DMD: variants seen among roughly 807,000 people sequenced by gnomAD.
The protein encoded by DMD is mutant dystrophin.
A neutral mutation model predicts 330.1 loss-of-function variants in DMD; 63 were observed. The ratio of observed to expected loss-of-function variants is 0.19; its 90% CI spans 0.16 to 0.24. DMD has a LOEUF of 0.24. Among genes scored for constraint, DMD ranks in the 10% least tolerant of loss-of-function variants. The pLI, the probability that DMD is intolerant of heterozygous loss-of-function variation, is 1.00. For synonymous variants in DMD, 1,223 were observed against 959.8 expected (o/e 1.27, Z -5.07); for missense variants, 3,344 against 2,684.1 (o/e 1.25, Z -5.43).
At chrX:31,944,412 CATTT>C (rs1245341395) in intron 45 of DMD, among the ~76,000 whole-genome samples, 3 of 111,003 alleles carry the variant, frequency 2.7e-5, no homozygotes, top group African/African-American at 9.8e-5. Context: ...AAAAACTAAA[CATTT>C]ATTTTTTATT....
chrX:32,454,755 G>A lies in DMD; in HGVS notation c.3510C>T (p.His1170=), dbSNP rs138945423. 10 of 1,199,752 alleles carry A rather than the reference G, an allele frequency of 8.3e-6. No homozygotes were observed. The highest frequency in any genetic ancestry group is 7.2e-5 in the African/African-American group (4 of 55,473). ...VSLQKDLSEM[H]EWMTQAEEEY... is the part of the protein sequence containing the mutation. Reference sequence around the variant, plus strand: ...CTTCTTCAGCTTGTGTCATCCATTCGTGCATCTCTGATAGATCTTTCTGGA... The same window carrying A: ...CTTCTTCAGCTTGTGTCATCCATTCATGCATCTCTGATAGATCTTTCTGGA... Residue 1170 remains histidine (H), a synonymous_variant, in exon 26 of 79, where the codon CAC becomes CAT. Coordinates refer to ENST00000357033, the MANE Select transcript of DMD (RefSeq NM_004006.3).
chrX:32,332,002 T>C (rs919557934), intron 41 of DMD, among the ~76,000 whole-genome samples: 1 of 111,574 alleles, frequency 9.0e-6, no homozygotes, highest in African/African-American at 3.2e-5. Flanking sequence ...CTCAGTTTTC[T>C]ATTTGGATTA....
intron 2 of DMD, among the ~76,000 whole-genome samples, chrX:32,917,159 TC>T (rs376979402): frequency 0.097 from 8,590 of 88,856 alleles, 556 homozygotes; most frequent in African/African-American, 0.22. Flanking sequence ...GTGTGGCACT[TC>T]CCCCCCCCCC....
Position 31,810,603 on chromosome X carries a change from T to C in DMD, c.7309+9372A>G, listed in dbSNP as rs188568022. On this transcript the variant is annotated intron_variant, in intron 50 of 78. Coordinates refer to ENST00000357033, the MANE Select transcript of DMD (RefSeq NM_004006.3). ...AATAGAATGAGAGCCTTTCCTGAGA[T>C]AGTGGAAAAGAAAGAATGACTGTTC... 1.2e-3 allele frequency among the ~76,000 whole-genome samples: 129 copies of C among 111,794 alleles called. 1 individual carries two copies. Among genetic ancestry groups the C allele is most frequent in the African/African-American group, 4.1e-3 (125 of 30,832 alleles).
rs1210229844 is a variant in DMD, at chrX:33,009,329, TGTATATACAC to T, written c.93+10800_93+10809del. On this transcript the variant is annotated intron_variant, in intron 2 of 78. Coordinates refer to ENST00000357033, the MANE Select transcript of DMD (RefSeq NM_004006.3). The stretch of plus-strand genomic sequence containing the variant: ...ACACATGTGTGTATATGTGTATATG[TGTATATACAC>T]GTGTATATACACATGTGTGTATATG... Among the ~76,000 whole-genome samples, 66 of 62,012 alleles carry T rather than the reference TGTATATACAC, an allele frequency of 1.1e-3. 10 individuals are homozygous for T. Among genetic ancestry groups the T allele is most frequent in the African/African-American group, 4.0e-3 (63 of 15,843 alleles). The allele number at this position is 62,012 out of a possible 115,157, so 53.8% of individuals were successfully genotyped here. A position where few individuals can be genotyped will look rare whatever the true frequency, so the allele number is the denominator to read the frequency against.
chrX:32,601,207 A>G (rs898379898), intron 12 of DMD, among the ~76,000 whole-genome samples: 6 of 111,492 alleles, frequency 5.4e-5, no homozygotes, highest in Non-Finnish European at 1.1e-4. Flanking sequence ...TGGTCACAGT[A>G]TTGTCTAGCT....
intron 52 of DMD, among the ~76,000 whole-genome samples, chrX:31,683,449 G>A (rs2082496918): frequency 8.9e-6 from 1 of 112,502 alleles, no homozygotes; most frequent in Non-Finnish European, 1.9e-5. Context: ...GGGAGGTTGT[G>A]AGGAACACAC....
rs749077079 is a variant in DMD, at chrX:32,115,864, ATG to A, written c.6438+101050_6438+101051del. 9.9e-5 allele frequency among the ~76,000 whole-genome samples: 11 copies of A among 111,561 alleles called. No individual in the cohort carries two copies. In the East Asian group the frequency reaches 3.1e-3, roughly 32 times the overall value. On this transcript the variant is annotated intron_variant, in intron 44 of 78. Coordinates refer to ENST00000357033, the MANE Select transcript of DMD (RefSeq NM_004006.3). ...TCCACCCTAGTCTGAACCACCTCTGATGTGGACTAGTAACGTGGCTTCCTGTG... is the reference window on the plus strand; with the variant it reads ...TCCACCCTAGTCTGAACCACCTCTGATGGACTAGTAACGTGGCTTCCTGTG...
intron 19 of DMD, among the ~76,000 whole-genome samples, chrX:32,493,990 A>T (rs866038536): frequency 4.5e-5 from 5 of 112,128 alleles, no homozygotes; most frequent in Middle Eastern, 4.6e-3. Flanking sequence ...ACGGGAACAC[A>T]GAGAGAAATC....
intron 37 of DMD, among the ~76,000 whole-genome samples, chrX:32,359,959 G>T (rs2097824920): frequency 2.7e-5 from 3 of 109,849 alleles, no homozygotes; most frequent in Admixed American, 1.9e-4. Context: ...AAAATTGTTA[G>T]TCTATTTTAA....
At chrX:31,426,980 T>C (rs1465335126) in intron 60 of DMD, among the ~76,000 whole-genome samples, 2 of 112,336 alleles carry the variant, frequency 1.8e-5, no homozygotes, top group African/African-American at 6.5e-5. Context: ...AAACTTTCTG[T>C]CCCTTGTTTA....
chrX:31,619,939 C>A (rs1392262048), intron 55 of DMD, among the ~76,000 whole-genome samples: 1 of 111,788 alleles, frequency 8.9e-6, no homozygotes, highest in Non-Finnish European at 1.9e-5. Flanking sequence ...AAAATGGATT[C>A]TAATTTTCTG....
rs1306712661 is a variant in DMD at position 31,578,436 on chromosome X, G to A, written c.8217+49237C>T. Among the ~76,000 whole-genome samples, 4 of 111,856 alleles carry A rather than the reference G, an allele frequency of 3.6e-5. No homozygotes were observed. In the Admixed American group the frequency reaches 3.8e-4, roughly 11 times the overall value. ...CACTTGTGACAGCCTGTAGAGAACA[G>A]ATGTAAGAAAAATTGCCAAGAGTTT... On this transcript the variant is annotated intron_variant, in intron 55 of 78. Coordinates refer to ENST00000357033, the MANE Select transcript of DMD (RefSeq NM_004006.3).
intron 18 of DMD, among the ~76,000 whole-genome samples, chrX:32,514,254 GAT>G (rs2045625207): frequency 1.1e-5 from 1 of 89,942 alleles, no homozygotes; most frequent in Non-Finnish European, 2.3e-5. Flanking sequence ...AAAAAAAAAA[GAT>G]ACTATGAGCA....
chrX:32,641,558 T>C (rs962753815), intron 11 of DMD: 3 of 161,360 alleles, frequency 1.9e-5, no homozygotes, highest in African/African-American at 3.1e-5. Flanking sequence ...AGCAACCTAA[T>C]AGTAAGTATG....
intron 55 of DMD, among the ~76,000 whole-genome samples, chrX:31,585,790 G>A (rs191686769): frequency 4.0e-4 from 45 of 111,198 alleles, no homozygotes; most frequent in Admixed American, 3.5e-3. Flanking sequence ...GTATCCCCTG[G>A]GAATTTGATA....
intron 7 of DMD, among the ~76,000 whole-genome samples, chrX:32,761,389 G>A (rs2072272733): frequency 8.9e-6 from 1 of 111,999 alleles, no homozygotes; most frequent in Non-Finnish European, 1.9e-5. Flanking sequence ...CACAATCATA[G>A]AGTCTGAGGA....
chrX:32,305,841 G>C (rs1437233484), intron 42 of DMD, among the ~76,000 whole-genome samples: 4 of 110,714 alleles, frequency 3.6e-5, no homozygotes, highest in Middle Eastern at 9.3e-3. Flanking sequence ...TGGCCTTCTT[G>C]TTGGTGCTTG....
chrX:32,883,563 G>A (rs926913415), intron 2 of DMD, among the ~76,000 whole-genome samples: 1 of 110,360 alleles, frequency 9.1e-6, no homozygotes, highest in African/African-American at 3.3e-5. Flanking sequence ...GGTGGCTCAC[G>A]CCTGTAATCC....
Sources: allele counts gnomAD v4.1 joint callset (sites outside exome capture counted in the v4.1 genomes callset), GRCh38; gene constraint gnomAD v4.1.1; transcripts MANE v1.5; gene names NCBI Gene and HGNC (gene_info 2026-07-23, HGNC 2026-07-21).